Variants in AFF1 observed in about 807,000 individuals in gnomAD.
The protein encoded by AFF1 is ALF transcription elongation factor 1, also known as AF4/FMR2 family member 1.
In AFF1, 48 loss-of-function variants were observed where a neutral mutation model predicts 121.7. The observed-to-expected ratio is 0.39, with a 90% CI of 0.31 to 0.50. The LOEUF is 0.50. AFF1 is among the 20% of genes least tolerant of loss of function. The pLI is 0.76. For synonymous variants in AFF1, 613 were observed against 563.0 expected, an observed-to-expected ratio of 1.09 and a Z score of -1.26; for missense variants, 1,523 against 1,511.7, an observed-to-expected ratio of 1.01 and a Z score of -0.12.
Position 87,047,287 on chromosome 4 carries a change from A to C in AFF1, c.752A>C (p.Lys251Thr). 6.2e-7 allele frequency: 1 copy of C among 1,614,156 alleles called. No individual in the cohort carries two copies. Among genetic ancestry groups the C allele is most frequent in the South Asian group, 1.1e-5 (1 of 91,082 alleles). ...SNNSKGYCPA[K>T]SPKDLAVKVH... Reference sequence around the variant, plus strand: ...AACAGTAAAGGCTATTGCCCAGCCAAATCTCCCAAGGACCTAGCAGTGAAA... The same window carrying C: ...AACAGTAAAGGCTATTGCCCAGCCACATCTCCCAAGGACCTAGCAGTGAAA... The change falls in exon 4 of 21, where the codon AAA (lysine) becomes ACA (threonine). Residue 251 changes from lysine (K) to threonine (T), a missense_variant. Transcript: ENST00000395146.
At position 86,949,534 on chromosome 4, in the gene AFF1, A is replaced by AT. The variant is rs1317428441; in HGVS notation, c.38+965dup. On this transcript the variant is annotated intron_variant, in intron 2 of 20. Transcript: ENST00000395146. ...TTTCTATTTATTAATTATTATTATT[A>AT]TTATTTTTTTTTTTTTTTTTTTCCC... 352 of 347,260 alleles carry AT rather than the reference A, an allele frequency of 1.0e-3. 2 individuals carry two copies. The African/African-American group carries it at 0.011, about 10-fold the overall frequency. The allele number at this position is 347,260 out of a possible 1,614,324, so 21.5% of individuals were successfully genotyped here.
Position 87,139,682 on chromosome 4 carries a change from G to A in AFF1, c.*3981G>A. 4.4e-6 allele frequency: 1 copy of A among 228,962 alleles called. No homozygotes were observed. The highest frequency in any genetic ancestry group is 6.2e-5 in the East Asian group (1 of 16,072). 14.2% of individuals were successfully genotyped at this position (228,962 alleles called of 1,614,324 possible). On this transcript the variant is annotated 3_prime_UTR_variant, in exon 21 of 21. Coordinates refer to ENST00000395146, the MANE Select transcript of AFF1 (RefSeq NM_001166693.3). Reference sequence around the variant, plus strand: ...TTTTGGGTCCCACTTAGGATTAATGGATGTAAGGTATTTTCCTGTGCCTTT... The same window carrying A: ...TTTTGGGTCCCACTTAGGATTAATGAATGTAAGGTATTTTCCTGTGCCTTT...
At chr4:87,067,644 T>G (rs529444137) in intron 4 of AFF1, among the ~76,000 whole-genome samples, 28 of 152,254 alleles carry the variant, frequency 1.8e-4, no homozygotes, top group Non-Finnish European at 3.7e-4. Context: ...CCCAGTCTTT[T>G]CTGCTGCTGT....
chr4:86,952,794 C>T (rs1021623337), intron 2 of AFF1, among the ~76,000 whole-genome samples: 3 of 150,564 alleles, frequency 2.0e-5, no homozygotes, highest in African/African-American at 7.3e-5. Context: ...GTTTCTCCTG[C>T]CTCAGCCTCC....
At chr4:87,035,492 C>T (rs972563227) in intron 2 of AFF1, among the ~76,000 whole-genome samples, 4 of 151,774 alleles carry the variant, frequency 2.6e-5, no homozygotes, top group East Asian at 2.0e-4. Flanking sequence ...ACCCGGGAGG[C>T]GGAGCTTGCA....
intron 2 of AFF1, among the ~76,000 whole-genome samples, chr4:86,994,894 T>C (rs1021180153): frequency 1.4e-4 from 22 of 152,078 alleles, no homozygotes. Context: ...TGGTGGATGA[T>C]AAGGCTACTG....
chr4:87,123,013 C>T (rs1727868507), intron 12 of AFF1, among the ~76,000 whole-genome samples: 1 of 151,928 alleles, frequency 6.6e-6, no homozygotes, highest in African/African-American at 2.4e-5. Context: ...TTGGCCTCAG[C>T]TTCCTGAGTA....
chr4:87,032,782 C>T lies in AFF1; in HGVS notation c.39-13384C>T, dbSNP rs1729197357. Among the ~76,000 whole-genome samples, 3 of 152,156 alleles carry T rather than the reference C, an allele frequency of 2.0e-5. 1 individual carries two copies. In the South Asian group the frequency reaches 6.2e-4, roughly 32 times the overall value. On this transcript the variant is annotated intron_variant, in intron 2 of 20. Coordinates refer to ENST00000395146, the MANE Select transcript of AFF1 (RefSeq NM_001166693.3). ...GAGCTTGAAGTGGAGAGTGGAGGAG[C>T]CCTACAATTTTTTTTTGGTTTATTC...
At position 87,138,963 on chromosome 4, in the gene AFF1, C is replaced by G. The variant is rs566591066; in HGVS notation, c.*3262C>G. Reference sequence around the variant, plus strand: ...TTTAGAAAGCTAAAACCCCCTACCCCTTTCTGGCTGAAAACTTGCCTTATT... The same window carrying G: ...TTTAGAAAGCTAAAACCCCCTACCCGTTTCTGGCTGAAAACTTGCCTTATT... On this transcript the variant is annotated 3_prime_UTR_variant, in exon 21 of 21. Coordinates refer to ENST00000395146, the MANE Select transcript of AFF1 (RefSeq NM_001166693.3). The G allele has an allele frequency of 4.4e-6, 1 of 226,056 alleles. No homozygotes were observed. Among genetic ancestry groups the G allele is most frequent in the African/African-American group, 2.2e-5 (1 of 44,946 alleles). The allele number at this position is 226,056 out of a possible 1,614,324, so 14.0% of individuals were successfully genotyped here. A position where few individuals can be genotyped will look rare whatever the true frequency, so the allele number is the denominator to read the frequency against.
intron 4 of AFF1, among the ~76,000 whole-genome samples, chr4:87,056,412 C>T (rs577161968): frequency 6.6e-6 from 1 of 152,056 alleles, no homozygotes; most frequent in Non-Finnish European, 1.5e-5. Flanking sequence ...TTATAGATTC[C>T]CTTTTTCCTT....
At chr4:87,031,764 T>A (rs1729109161) in intron 2 of AFF1, among the ~76,000 whole-genome samples, 1 of 152,248 alleles carries the variant, frequency 6.6e-6, no homozygotes, top group Non-Finnish European at 1.5e-5. Flanking sequence ...CCTTATTGTT[T>A]ACTTGCAGTG....
chr4:87,110,732 A>C (rs1323343860), intron 11 of AFF1, among the ~76,000 whole-genome samples: 1 of 145,796 alleles, frequency 6.9e-6, no homozygotes, highest in Non-Finnish European at 1.5e-5. Context: ...AAAACTTCTT[A>C]ATTCAAAATC....
At chr4:87,101,303 C>T (rs1213217151) in intron 8 of AFF1, among the ~76,000 whole-genome samples, 1 of 152,116 alleles carries the variant, frequency 6.6e-6, no homozygotes, top group Non-Finnish European at 1.5e-5. Context: ...ATTCTACGGC[C>T]AGGCTCACAC....
chr4:87,036,186 C>T (rs1438232008), intron 2 of AFF1, among the ~76,000 whole-genome samples: 1 of 152,178 alleles, frequency 6.6e-6, no homozygotes, highest in African/African-American at 2.4e-5. Flanking sequence ...GACTTTATCT[C>T]AGGTTAAAAA....
intron 4 of AFF1, among the ~76,000 whole-genome samples, chr4:87,060,854 A>AAAAAAC (rs1720698580): frequency 4.2e-5 from 2 of 47,636 alleles, no homozygotes; most frequent in Non-Finnish European, 7.9e-5. Flanking sequence ...AAAAAAAAAA[A>AAAAAAC]AAAAAAAAAA....
intron 7 of AFF1, among the ~76,000 whole-genome samples, chr4:87,093,622 G>C (rs1470845723): frequency 1.3e-5 from 2 of 152,174 alleles, no homozygotes; most frequent in Admixed American, 1.3e-4. Context: ...GAGTCCCTGT[G>C]AATGGTCTGA....
chr4:87,123,188 C>G (rs1274883643), intron 12 of AFF1, among the ~76,000 whole-genome samples: 1 of 152,124 alleles, frequency 6.6e-6, no homozygotes, highest in Non-Finnish European at 1.5e-5. Context: ...GCCACCGCGC[C>G]CAGCCTAACA....
At chr4:87,007,234 G>C (rs1726232174) in intron 2 of AFF1, 1 of 1,475,752 alleles carries the variant, frequency 6.8e-7, no homozygotes, top group South Asian at 1.4e-5. Flanking sequence ...GCCGAGCCCG[G>C]GGCTGCGCCG....
chr4:87,052,535 A>G lies in AFF1; in HGVS notation c.1059+4941A>G, dbSNP rs534070110. Among the ~76,000 whole-genome samples the G allele has an allele frequency of 3.3e-5, 5 of 152,180 alleles. No homozygotes were observed. In the East Asian group the frequency reaches 9.7e-4, roughly 29 times the overall value. On this transcript the variant is annotated intron_variant, in intron 4 of 20. Transcript: ENST00000395146. ...TGGCGACATAGGCAGGAGTAAGACC[A>G]TGGAGGCTTTGTTGGCCGTGAAAGG...
Sources: allele counts gnomAD v4.1 joint callset (sites outside exome capture counted in the v4.1 genomes callset), GRCh38; gene constraint gnomAD v4.1.1; transcripts MANE v1.5; gene names NCBI Gene and HGNC (gene_info 2026-07-23, HGNC 2026-07-21).